Variants in ERC2 observed in about 807,000 individuals in gnomAD.
The protein encoded by ERC2 is ELKS/RAB6-interacting/CAST family member 2, also known as ERC protein 2.
In ERC2, 42 loss-of-function variants were observed where a neutral mutation model predicts 114.8. The observed-to-expected ratio is 0.37, with a 90% confidence interval of 0.29 to 0.47. The LOEUF (loss-of-function observed/expected upper bound fraction) is 0.47. Ranked by LOEUF, ERC2 falls within the 20% of genes least tolerant of loss-of-function variation. The pLI is 0.99. For missense variants in ERC2, 939 were observed against 1,150.7 expected (o/e 0.82, Z 2.66); for synonymous variants, 454 against 425.5 (o/e 1.07, Z -0.82).
chr3:56,037,502 A>G (rs1428712878), intron 7 of ERC2, among the ~76,000 whole-genome samples: 1 of 152,172 alleles, frequency 6.6e-6, no homozygotes, highest in Non-Finnish European at 1.5e-5. Flanking sequence ...GAGATTAGAG[A>G]AAAAGGAATG....
chr3:55,748,575 G>T (rs1330776078), intron 14 of ERC2, among the ~76,000 whole-genome samples: 2 of 152,172 alleles, frequency 1.3e-5, no homozygotes, highest in Non-Finnish European at 2.9e-5. Flanking sequence ...TTACCATCAT[G>T]AGCAAATGCT....
At chr3:55,628,303 G>C (rs1031375010) in intron 17 of ERC2, among the ~76,000 whole-genome samples, 4 of 73,144 alleles carry the variant, frequency 5.5e-5, no homozygotes, top group African/African-American at 7.8e-5. Context: ...GCTCAGTGTG[G>C]CTGTTGAGCT....
At chr3:55,843,165 C>T (rs947837765) in intron 14 of ERC2, among the ~76,000 whole-genome samples, 1 of 152,150 alleles carries the variant, frequency 6.6e-6, no homozygotes, top group African/African-American at 2.4e-5. Context: ...TACAAAGCAT[C>T]CAGCCTGTGC....
At chr3:55,644,194 G>A (rs2060301443) in intron 17 of ERC2, among the ~76,000 whole-genome samples, 1 of 152,046 alleles carries the variant, frequency 6.6e-6, no homozygotes, top group South Asian at 2.1e-4. Context: ...TTTACCATCT[G>A]TAAAATGAGA....
At chr3:56,034,352 C>G (rs1187515952) in intron 7 of ERC2, among the ~76,000 whole-genome samples, 1 of 151,864 alleles carries the variant, frequency 6.6e-6, no homozygotes, top group East Asian at 1.9e-4. Flanking sequence ...ATAACCAAAA[C>G]TGAAGGTAGA....
intron 2 of ERC2, among the ~76,000 whole-genome samples, chr3:56,401,561 C>T (rs2060520309): frequency 1.3e-5 from 2 of 152,122 alleles, no homozygotes; most frequent in Non-Finnish European, 2.9e-5. Context: ...TAGTTTCATT[C>T]CAAATTTCAA....
chr3:56,339,231 G>C (rs1245956095), intron 2 of ERC2, among the ~76,000 whole-genome samples: 1 of 152,220 alleles, frequency 6.6e-6, no homozygotes, highest in East Asian at 1.9e-4. Flanking sequence ...GCATATGGGA[G>C]TGCGCCATCA....
At chr3:55,964,985 A>G (rs2068647196) in intron 12 of ERC2, among the ~76,000 whole-genome samples, 1 of 152,156 alleles carries the variant, frequency 6.6e-6, no homozygotes, top group Non-Finnish European at 1.5e-5. Context: ...CTAGCAGGAG[A>G]ATCTCCACTC....
intron 1 of ERC2, among the ~76,000 whole-genome samples, chr3:56,446,075 G>A (rs2062547396): frequency 6.6e-6 from 1 of 152,128 alleles, no homozygotes; most frequent in Non-Finnish European, 1.5e-5. Flanking sequence ...ACCCAACTGA[G>A]GCTGTCCCTC....
chr3:56,286,055 G>C (rs553591995), intron 3 of ERC2, among the ~76,000 whole-genome samples: 2 of 152,246 alleles, frequency 1.3e-5, no homozygotes, highest in South Asian at 4.1e-4. Context: ...AGACTTTCGT[G>C]ATAACTGACA....
intron 17 of ERC2, among the ~76,000 whole-genome samples, chr3:55,648,704 A>G (rs1292067426): frequency 6.6e-6 from 1 of 152,188 alleles, no homozygotes; most frequent in African/African-American, 2.4e-5. Context: ...GAGTCTGTCT[A>G]TTAGAAGAGT....
At chr3:55,559,712 C>T (rs1173089725) in intron 17 of ERC2, among the ~76,000 whole-genome samples, 3 of 152,222 alleles carry the variant, frequency 2.0e-5, no homozygotes, top group East Asian at 1.9e-4. Context: ...GTCCTCCTTG[C>T]CTTTGGCCTC....
At chr3:55,643,176 T>A (rs994699763) in intron 17 of ERC2, among the ~76,000 whole-genome samples, 2 of 152,344 alleles carry the variant, frequency 1.3e-5, no homozygotes, top group South Asian at 4.1e-4. Flanking sequence ...AGAATTATAA[T>A]GTAAATTTAA....
intron 1 of ERC2, among the ~76,000 whole-genome samples, chr3:56,455,941 A>G (rs957380949): frequency 1.3e-5 from 2 of 152,216 alleles, no homozygotes; most frequent in African/African-American, 4.8e-5. Flanking sequence ...AAGTTAGATA[A>G]GCTCCCCAGA....
At chr3:55,680,342 C>G (rs1285340814) in intron 17 of ERC2, among the ~76,000 whole-genome samples, 3 of 152,180 alleles carry the variant, frequency 2.0e-5, no homozygotes, top group African/African-American at 7.2e-5. Flanking sequence ...ATTCAAATGT[C>G]GAGGCAGAGG....
chr3:56,269,876 G>A lies in ERC2; in HGVS notation c.1074+26143C>T, dbSNP rs138558428. The stretch of plus-strand genomic sequence containing the variant: ...AAAGTGTTGACACTTAAAGGGTGAG[G>A]CTCTGGTCACTTGGGGAATAGTCTT... On this transcript the variant is annotated intron_variant, in intron 3 of 17. Coordinates refer to ENST00000288221, the MANE Select transcript of ERC2 (RefSeq NM_015576.3). 7.7e-3 allele frequency among the ~76,000 whole-genome samples: 1,167 copies of A among 152,236 alleles called. 16 individuals carry two copies. The highest frequency in any genetic ancestry group is 0.027 in the African/African-American group (1,111 of 41,540).
At chr3:55,621,491 C>A (rs2059327485) in intron 17 of ERC2, among the ~76,000 whole-genome samples, 1 of 152,218 alleles carries the variant, frequency 6.6e-6, no homozygotes, top group Admixed American at 6.5e-5. Flanking sequence ...TGTTCCCCTC[C>A]TGCCGTTTCT....
intron 14 of ERC2, among the ~76,000 whole-genome samples, chr3:55,798,926 T>C (rs1459494424): frequency 1.3e-5 from 2 of 152,138 alleles, no homozygotes; most frequent in African/African-American, 4.8e-5. Context: ...TATAAATGCT[T>C]TAGAATTAAC....
At chr3:55,570,273 C>A (rs2056630545) in intron 17 of ERC2, among the ~76,000 whole-genome samples, 1 of 152,048 alleles carries the variant, frequency 6.6e-6, no homozygotes, top group African/African-American at 2.4e-5. Flanking sequence ...CCTGGTACTT[C>A]TGGTCCCAGC....
Sources: gnomAD v4.1 joint callset for allele counts (sites outside exome capture counted in the v4.1 genomes callset) on GRCh38, gnomAD v4.1.1 for gene constraint, MANE v1.5 for transcripts, NCBI Gene and HGNC (gene_info 2026-07-23, HGNC 2026-07-21) for gene names.